Variants in SNX6 observed in about 807,000 individuals in gnomAD.
SNX6 encodes sorting nexin-6.
Under a neutral mutation model 63.0 loss-of-function variants are expected in SNX6, and 34 were observed. The ratio of observed to expected loss-of-function variants is 0.54; its 90% CI spans 0.41 to 0.72. The LOEUF (loss-of-function observed/expected upper bound fraction) is 0.72. SNX6 is among the 30% of genes least tolerant of loss of function. The pLI is 0.00. For missense variants in SNX6, 398 were observed against 471.4 expected (o/e 0.84, Z 1.44); for synonymous variants, 170 against 164.2 (o/e 1.04, Z -0.27).
intron 13 of SNX6, among the ~76,000 whole-genome samples, chr14:34,566,113 A>G (rs1594688131): frequency 6.6e-6 from 1 of 152,372 alleles, no homozygotes; most frequent in East Asian, 1.9e-4. Context: ...AAAAAAAAAG[A>G]AAAACAATGA....
chr14:34,619,038 G>A (rs1464495303), intron 2 of SNX6, among the ~76,000 whole-genome samples: 3 of 152,182 alleles, frequency 2.0e-5, no homozygotes, highest in African/African-American at 7.2e-5. Context: ...AAGGAGGGAA[G>A]AGGAAAGAAA....
intron 2 of SNX6, among the ~76,000 whole-genome samples, chr14:34,620,408 G>A (rs946112790): frequency 2.0e-5 from 3 of 152,072 alleles, no homozygotes; most frequent in Admixed American, 6.5e-5. Context: ...TGAGCCCCAG[G>A]AGGTCGAGGC....
intron 11 of SNX6, among the ~76,000 whole-genome samples, chr14:34,569,898 A>G (rs755789220): frequency 4.6e-5 from 7 of 152,184 alleles, no homozygotes; most frequent in Non-Finnish European, 1.0e-4. Context: ...CTCACTATTA[A>G]GGAATGAAAT....
chr14:34,590,502 AG>A (rs1882350311), intron 8 of SNX6, among the ~76,000 whole-genome samples: 1 of 152,094 alleles, frequency 6.6e-6, no homozygotes, highest in African/African-American at 2.4e-5. Flanking sequence ...AACAGTCATT[AG>A]GACAATACAA....
intron 9 of SNX6, among the ~76,000 whole-genome samples, chr14:34,585,241 G>A (rs1424874946): frequency 1.3e-5 from 2 of 152,232 alleles, no homozygotes; most frequent in Non-Finnish European, 2.9e-5. Context: ...ATTGTTGGCC[G>A]GGAGAAGTGG....
chr14:34,610,756 T>C (rs1883197480), intron 2 of SNX6, among the ~76,000 whole-genome samples: 1 of 152,126 alleles, frequency 6.6e-6, no homozygotes, highest in Non-Finnish European at 1.5e-5. Context: ...ATAACTTGTT[T>C]GGGTAATTTT....
intron 10 of SNX6, among the ~76,000 whole-genome samples, chr14:34,576,278 T>C (rs1173378246): frequency 6.6e-6 from 1 of 151,954 alleles, no homozygotes; most frequent in Non-Finnish European, 1.5e-5. Flanking sequence ...ATTATTATAG[T>C]TTAAAAAATT....
chr14:34,591,035 A>G (rs1882371407), intron 8 of SNX6, among the ~76,000 whole-genome samples: 1 of 152,186 alleles, frequency 6.6e-6, no homozygotes, highest in African/African-American at 2.4e-5. Flanking sequence ...ATCTATAGTG[A>G]CAGAAAGCAG....
At chr14:34,573,605 T>G (rs1479925661) in intron 11 of SNX6, among the ~76,000 whole-genome samples, 5 of 151,732 alleles carry the variant, frequency 3.3e-5, no homozygotes. Context: ...TTGGTTAGTG[T>G]TTTAGTCTTG....
chr14:34,590,730 C>T (rs546557254), intron 8 of SNX6, among the ~76,000 whole-genome samples: 1 of 152,286 alleles, frequency 6.6e-6, no homozygotes, highest in South Asian at 2.1e-4. Flanking sequence ...TCATTTACCA[C>T]ATGACTCAGG....
At chr14:34,591,068 G>A (rs188599638) in intron 8 of SNX6, among the ~76,000 whole-genome samples, 1 of 152,240 alleles carries the variant, frequency 6.6e-6, no homozygotes, top group Admixed American at 6.6e-5. Context: ...CTGGGGATAG[G>A]GCAGGAGGGA....
intron 6 of SNX6, among the ~76,000 whole-genome samples, chr14:34,601,219 C>CTTTTTT (rs77009422): frequency 6.0e-4 from 86 of 142,506 alleles, no homozygotes; most frequent in African/African-American, 1.1e-3. Flanking sequence ...AACCCTATTT[C>CTTTTTT]TTTTTTTTTT....
At chr14:34,615,104 CT>C (rs1351850767) in intron 2 of SNX6, among the ~76,000 whole-genome samples, 7 of 151,934 alleles carry the variant, frequency 4.6e-5, no homozygotes, top group Non-Finnish European at 8.8e-5. Flanking sequence ...ACTAAATATA[CT>C]GTTTCCCTTT....
chr14:34,601,919 T>A (rs538628058), intron 6 of SNX6, among the ~76,000 whole-genome samples: 67 of 152,090 alleles, frequency 4.4e-4, no homozygotes, highest in African/African-American at 1.6e-3. Context: ...TGCTTAACTA[T>A]CATTCTGTCA....
intron 11 of SNX6, chr14:34,568,866 G>T: frequency 9.0e-7 from 1 of 1,107,850 alleles, no homozygotes; most frequent in Non-Finnish European, 1.4e-6. Flanking sequence ...GGCCAGGCAT[G>T]CCGCCACTTC....
intron 11 of SNX6, among the ~76,000 whole-genome samples, chr14:34,575,049 G>A (rs922008356): frequency 2.0e-5 from 3 of 148,780 alleles, no homozygotes; most frequent in Non-Finnish European, 4.5e-5. Flanking sequence ...CCACCACCAT[G>A]CCCGGCTAAT....
chr14:34,583,131 A>G (rs375215787), intron 9 of SNX6, among the ~76,000 whole-genome samples: 1 of 151,954 alleles, frequency 6.6e-6, no homozygotes, highest in African/African-American at 2.4e-5. Flanking sequence ...ATGGTGAAAC[A>G]CTGTCTCTAC....
intron 6 of SNX6, among the ~76,000 whole-genome samples, chr14:34,599,816 C>T (rs1479853803): frequency 6.6e-6 from 1 of 150,940 alleles, no homozygotes; most frequent in East Asian, 1.9e-4. Flanking sequence ...TTTCTGTCTT[C>T]CCTCTTTTGA....
intron 2 of SNX6, among the ~76,000 whole-genome samples, chr14:34,629,047 C>T (rs192290085): frequency 1.8e-3 from 264 of 150,836 alleles, no homozygotes; most frequent in African/African-American, 6.3e-3. Context: ...AAAGGCCTGG[C>T]GGAGTGTGTA....
Sources: allele counts gnomAD v4.1 joint callset (sites outside exome capture counted in the v4.1 genomes callset), GRCh38; gene constraint gnomAD v4.1.1; transcripts MANE v1.5; gene names NCBI Gene and HGNC (gene_info 2026-07-23, HGNC 2026-07-21).